The following FARP1 variants were observed in gnomAD, a reference collection of about 807,000 sequenced individuals.
FARP1 encodes FERM, ARHGEF and pleckstrin domain-containing protein 1.
A neutral mutation model predicts 128.8 loss-of-function variants in FARP1; 52 were observed. That is an observed-to-expected ratio of 0.40 (90% CI 0.32 to 0.51). FARP1 has a LOEUF of 0.51. Among genes scored for constraint, FARP1 ranks in the 20% least tolerant of loss-of-function variants. The pLI is 0.45. For synonymous variants in FARP1, 580 were observed against 551.8 expected, an observed-to-expected ratio of 1.05 and a Z score of -0.72; for missense variants, 1,333 against 1,367.9, an observed-to-expected ratio of 0.97 and a Z score of 0.40.
intron 1 of FARP1, among the ~76,000 whole-genome samples, chr13:98,202,281 G>A (rs1224995100): frequency 3.3e-5 from 5 of 152,164 alleles, no homozygotes; most frequent in African/African-American, 1.2e-4. Flanking sequence ...TTGATCACAC[G>A]CCCTTTGCCC....
At chr13:98,225,435 CGAG>C (rs1249445307) in intron 2 of FARP1, among the ~76,000 whole-genome samples, 1 of 152,314 alleles carries the variant, frequency 6.6e-6, no homozygotes, top group East Asian at 1.9e-4. Context: ...TCCCATCACA[CGAG>C]GAGAACTCTC....
At chr13:98,367,974 T>C in intron 4 of FARP1, 143 bp from the exon 5 acceptor site, 5 of 635,522 alleles carry the variant, frequency 7.9e-6, no homozygotes, top group Non-Finnish European at 8.2e-6. Context: ...CTTGGCCAGT[T>C]GTTAAGTGAC....
intron 6 of FARP1, among the ~76,000 whole-genome samples, chr13:98,383,400 A>G (rs746157495): frequency 5.9e-5 from 9 of 152,202 alleles, no homozygotes; most frequent in Non-Finnish European, 1.2e-4. Flanking sequence ...GAAGCGAGGG[A>G]GGGAGGGGTT....
chr13:98,172,111 C>CTGTG (rs1877695532), intron 1 of FARP1, among the ~76,000 whole-genome samples: 1 of 152,074 alleles, frequency 6.6e-6, no homozygotes, highest in South Asian at 2.1e-4. Flanking sequence ...CGTTCTTTAT[C>CTGTG]TGTGCTCTGC....
At chr13:98,390,451 C>A (rs1890263706) in intron 10 of FARP1, 2 of 429,588 alleles carry the variant, frequency 4.7e-6, no homozygotes, top group Non-Finnish European at 8.2e-6. Context: ...CTTTTCCATT[C>A]ATTTTTAACA....
intron 2 of FARP1, chr13:98,244,560 A>T: frequency 6.2e-7 from 1 of 1,614,200 alleles, no homozygotes; most frequent in Non-Finnish European, 8.5e-7. Context: ...GAGATGCTCC[A>T]TGAAGCCCAA....
intron 2 of FARP1, among the ~76,000 whole-genome samples, chr13:98,292,472 C>T (rs1885492833): frequency 6.6e-6 from 1 of 152,214 alleles, no homozygotes; most frequent in African/African-American, 2.4e-5. Flanking sequence ...TGTAGTATCT[C>T]ATGGCCAGGC....
At chr13:98,393,350 T>G (rs902863307) in intron 11 of FARP1, among the ~76,000 whole-genome samples, 1 of 152,198 alleles carries the variant, frequency 6.6e-6, no homozygotes, top group African/African-American at 2.4e-5. Flanking sequence ...TCCCCTTAAC[T>G]AGAAAGGTCC....
chr13:98,440,993 T>C (rs907954532), intron 24 of FARP1, among the ~76,000 whole-genome samples, 157 bp downstream of exon 24: 1 of 152,142 alleles, frequency 6.6e-6, no homozygotes, highest in African/African-American at 2.4e-5. Context: ...TGGGCCCCCT[T>C]TGGAGCCTGC....
chr13:98,330,410 G>A (rs1887452335), intron 2 of FARP1, among the ~76,000 whole-genome samples: 1 of 152,292 alleles, frequency 6.6e-6, no homozygotes, highest in African/African-American at 2.4e-5. Context: ...AAGTCAGATA[G>A]TAATCATAAG....
Position 98,366,872 on chromosome 13 carries a change from G to A in FARP1, c.320-1245G>A, listed in dbSNP as rs118116337. ...TGTACATATTGTCAACATCTTTATT[G>A]TATGTCATTTTTGCTTTTTTTAAAC... On this transcript the variant is annotated intron_variant, in intron 4 of 26. Transcript: ENST00000319562. Among the ~76,000 whole-genome samples the A allele has an allele frequency of 3.6e-4, 55 of 151,932 alleles. 1 individual carries two copies. In the East Asian group the frequency reaches 9.1e-3, roughly 25 times the overall value.
chr13:98,268,778 TTGTGTGTGTGTGTGTGTGTG>T (rs59132299), intron 2 of FARP1, among the ~76,000 whole-genome samples: 2 of 148,184 alleles, frequency 1.3e-5, no homozygotes, highest in South Asian at 2.2e-4. Context: ...TTTCCCTTCT[TTGTGTGTGTGTGTGTGTGTG>T]TGTGTGTGTG....
chr13:98,317,487 T>C (rs1886771952), intron 2 of FARP1, among the ~76,000 whole-genome samples: 1 of 152,216 alleles, frequency 6.6e-6, no homozygotes, highest in Admixed American at 6.5e-5. Context: ...TCCATAAGTA[T>C]ATTTGAAAAT....
intron 2 of FARP1, among the ~76,000 whole-genome samples, chr13:98,308,751 C>G (rs1886305780): frequency 6.6e-6 from 1 of 152,180 alleles, no homozygotes; most frequent in African/African-American, 2.4e-5. Context: ...TCACTGCAAC[C>G]TCTGCCTCCT....
At chr13:98,424,523 A>G (rs770582662) in intron 16 of FARP1, 49 bp from the exon 17 acceptor site, 68 of 1,201,650 alleles carry the variant, frequency 5.7e-5, no homozygotes, top group Non-Finnish European at 8.5e-5. Context: ...CAGGGCTGTC[A>G]TGTCACTACT....
chr13:98,302,564 C>G (rs930225255), intron 2 of FARP1, among the ~76,000 whole-genome samples: 6 of 152,224 alleles, frequency 3.9e-5, no homozygotes, highest in African/African-American at 1.4e-4. Context: ...GGTGCTAGCA[C>G]TGACCAAGGT....
At chr13:98,166,666 G>C (rs1877284166) in intron 1 of FARP1, among the ~76,000 whole-genome samples, 1 of 151,814 alleles carries the variant, frequency 6.6e-6, no homozygotes, top group South Asian at 2.1e-4. Flanking sequence ...GAAACCTACA[G>C]TGATGGCAAA....
intron 13 of FARP1, chr13:98,402,634 T>A (rs1464170003): frequency 6.6e-6 from 1 of 152,218 alleles, no homozygotes; most frequent in Non-Finnish European, 1.5e-5. Flanking sequence ...AGACTGAAGA[T>A]AGGTCTTCCT....
chr13:98,151,949 A>G (rs1876042281), intron 1 of FARP1, among the ~76,000 whole-genome samples: 1 of 152,116 alleles, frequency 6.6e-6, no homozygotes, highest in Non-Finnish European at 1.5e-5. Flanking sequence ...GGTGTGAGCC[A>G]CCACGCCTGG....
Sources: gnomAD v4.1 joint callset for allele counts (sites outside exome capture counted in the v4.1 genomes callset) on GRCh38, gnomAD v4.1.1 for gene constraint, MANE v1.5 for transcripts, NCBI Gene and HGNC (gene_info 2026-07-23, HGNC 2026-07-21) for gene names.